CEP85: variants seen among roughly 807,000 people sequenced by gnomAD.
CEP85 encodes centrosomal protein 85.
Under a neutral mutation model 93.7 loss-of-function variants are expected in CEP85, and 58 were observed. The observed-to-expected ratio is 0.62, with a 90% CI of 0.50 to 0.77. The LOEUF is 0.77. Among genes scored for constraint, CEP85 ranks in the 30% least tolerant of loss-of-function variants. The probability of loss-of-function intolerance (pLI) is 0.00; values close to 1 mark genes in which losing one functional copy is unlikely to be tolerated. For missense variants in CEP85, 868 were observed against 922.0 expected, an observed-to-expected ratio of 0.94 and a Z score of 0.76; for synonymous variants, 314 against 338.6, an observed-to-expected ratio of 0.93 and a Z score of 0.80.
intron 4 of CEP85, among the ~76,000 whole-genome samples, chr1:26,256,928 G>GTTTTGGGGTGTGTGTGTGTGTGT (rs199539021): frequency 9.0e-5 from 10 of 111,404 alleles, no homozygotes; most frequent in African/African-American, 3.4e-4. Context: ...GTTTTGTTTT[G>GTTTTGGGGTGTGTGTGTGTGTGT]GTGTGTGTGT....
chr1:26,265,122 T>G (rs2124599498), intron 7 of CEP85, among the ~76,000 whole-genome samples: 1 of 151,972 alleles, frequency 6.6e-6, no homozygotes, highest in Non-Finnish European at 1.5e-5. Flanking sequence ...TAGCTGGGAT[T>G]ACAGGCACCC....
At chr1:26,263,230 C>T in intron 7 of CEP85, 1 of 312,908 alleles carries the variant, frequency 3.2e-6, no homozygotes, top group South Asian at 3.5e-5. Context: ...CCCACCTCTG[C>T]TGTGCTGTTG....
chr1:26,259,366 G>T (rs1321672435), intron 6 of CEP85, among the ~76,000 whole-genome samples: 1 of 152,206 alleles, frequency 6.6e-6, no homozygotes, highest in Non-Finnish European at 1.5e-5. Flanking sequence ...TTAAAATACA[G>T]ATTATTGGGA....
chr1:26,268,707 C>T, intron 8 of CEP85, 72 bp downstream of exon 8: 1 of 1,379,416 alleles, frequency 7.2e-7, no homozygotes, highest in Admixed American at 2.3e-5. Context: ...TCATCATCTG[C>T]TGTATGCAGT....
At chr1:26,246,637 G>A (rs1008834558) in intron 3 of CEP85, among the ~76,000 whole-genome samples, 1 of 151,678 alleles carries the variant, frequency 6.6e-6, no homozygotes, top group South Asian at 2.1e-4. Flanking sequence ...GCTGAGACAA[G>A]AGAATTGCTT....
intron 7 of CEP85, among the ~76,000 whole-genome samples, chr1:26,262,047 C>G (rs929109729): frequency 1.3e-5 from 2 of 152,142 alleles, no homozygotes; most frequent in African/African-American, 4.8e-5. Flanking sequence ...ATGGCTTACA[C>G]CTGTAATCCC....
intron 7 of CEP85, among the ~76,000 whole-genome samples, chr1:26,261,787 G>T (rs2124593213): frequency 6.6e-6 from 1 of 151,552 alleles, no homozygotes; most frequent in Admixed American, 6.6e-5. Flanking sequence ...AGCAAAAGTT[G>T]CCCATATAAT....
chr1:26,249,871 T>C (rs2089575935), intron 3 of CEP85, among the ~76,000 whole-genome samples: 1 of 152,140 alleles, frequency 6.6e-6, no homozygotes, highest in Admixed American at 6.5e-5. Context: ...ATCCCATGCA[T>C]TGTATTTTTT....
chr1:26,274,563 G>T (rs1414599781), intron 11 of CEP85, among the ~76,000 whole-genome samples: 1 of 152,188 alleles, frequency 6.6e-6, no homozygotes, highest in African/African-American at 2.4e-5. Context: ...TGCCTTGGAG[G>T]TTTCCTGGAG....
At chr1:26,246,689 A>G (rs981518469) in intron 3 of CEP85, among the ~76,000 whole-genome samples, 4 of 151,526 alleles carry the variant, frequency 2.6e-5, no homozygotes, top group African/African-American at 9.7e-5. Flanking sequence ...AGATCGTGCC[A>G]TTGCACTCCA....
chr1:26,268,469 A>G lies in CEP85; in HGVS notation c.1342-14A>G. On this transcript the variant is annotated splice_polypyrimidine_tract_variant and intron_variant, in intron 7 of 13. Coordinates refer to ENST00000451429, the MANE Select transcript of CEP85 (RefSeq NM_001319944.2). ...AGTGAATGGTGGAGACAGACTTGAC[A>G]TTTATTTTCCTAGGTCAAAGGTCGT... 6.2e-7 allele frequency: 1 copy of G among 1,614,048 alleles called. No homozygotes were observed. The highest frequency in any genetic ancestry group is 8.5e-7 in the Non-Finnish European group (1 of 1,179,946).
chr1:26,242,552 A>G (rs987919933), intron 2 of CEP85, among the ~76,000 whole-genome samples: 1 of 152,214 alleles, frequency 6.6e-6, no homozygotes, highest in Non-Finnish European at 1.5e-5. Flanking sequence ...TTCAGTAGAA[A>G]GCCAAAGTAA....
intron 10 of CEP85, chr1:26,271,688 T>C (rs2089977821): frequency 3.2e-6 from 1 of 309,178 alleles, no homozygotes; most frequent in Admixed American, 4.5e-5. Flanking sequence ...CATGTCCTTG[T>C]ACCAAAGAAC....
chr1:26,235,405 A>G (rs1023320079), intron 1 of CEP85, among the ~76,000 whole-genome samples: 1 of 152,076 alleles, frequency 6.6e-6, no homozygotes, highest in Non-Finnish European at 1.5e-5. Flanking sequence ...CTTCTCTTTC[A>G]CAAGGTTTAA....
At chr1:26,253,676 C>A (rs1461146094) in intron 3 of CEP85, among the ~76,000 whole-genome samples, 1 of 151,840 alleles carries the variant, frequency 6.6e-6, no homozygotes, top group East Asian at 2.0e-4. Context: ...AGGCATGAGC[C>A]ACTGCGCCCG....
In CEP85 at chr1:26,257,579, G is replaced by A. The variant is rs1443224061; in HGVS notation, c.904-18G>A. On this transcript the variant is annotated intron_variant, in intron 4 of 13. Transcript: ENST00000451429. Reference sequence around the variant, plus strand: ...TATGGGTCAAGATCAAGCTCATCTGGGCCTACTTGCCTTTCAGCTTCAGAA... The same window carrying A: ...TATGGGTCAAGATCAAGCTCATCTGAGCCTACTTGCCTTTCAGCTTCAGAA... The A allele has an allele frequency of 1.2e-6, 2 of 1,613,664 alleles. No individual in the cohort carries two copies. The highest frequency in any genetic ancestry group is 1.7e-5 in the Admixed American group (1 of 59,996).
In CEP85 at chr1:26,276,453, C is replaced by T. The variant is rs2090053289; in HGVS notation, c.1903-82C>T. 4 of 1,135,284 alleles carry T rather than the reference C, an allele frequency of 3.5e-6. No individual in the cohort carries two copies. In the South Asian group the frequency reaches 4.0e-5, roughly 11 times the overall value. The allele number at this position is 1,135,284 out of a possible 1,614,324, so 70.3% of individuals were successfully genotyped here. A position where few individuals can be genotyped will look rare whatever the true frequency, so the allele number is the denominator to read the frequency against. ...GACACTGCCTATGACTCACCCATCC[C>T]TTCCACACCCACACACTCATGCACA... On this transcript the variant is annotated intron_variant, in intron 12 of 13. Transcript: ENST00000451429.
rs1264614771 is a variant in CEP85 at position 26,241,671 on chromosome 1, T to TC, written c.55+1834dup. On this transcript the variant is annotated intron_variant, in intron 2 of 13. Coordinates refer to ENST00000451429, the MANE Select transcript of CEP85 (RefSeq NM_001319944.2). ...CCTTTCCTATGGCTTTTTTCTCTCT[T>TC]CAATAGTATCTCATTCAGATTAATA... is the stretch of plus-strand genomic sequence containing the variant. Among the ~76,000 whole-genome samples the TC allele has an allele frequency of 2.0e-5, 3 of 152,198 alleles. No individual in the cohort carries two copies. The East Asian group carries it at 5.8e-4, about 29-fold the overall frequency.
intron 3 of CEP85, among the ~76,000 whole-genome samples, chr1:26,250,279 G>T (rs561031864): frequency 1.3e-5 from 2 of 152,170 alleles, no homozygotes; most frequent in Non-Finnish European, 2.9e-5. Context: ...CTGAGCTTGC[G>T]CCTTCTGTCA....
Sources: gnomAD v4.1 joint callset for allele counts (sites outside exome capture counted in the v4.1 genomes callset) on GRCh38, gnomAD v4.1.1 for gene constraint, MANE v1.5 for transcripts, NCBI Gene and HGNC (gene_info 2026-07-23, HGNC 2026-07-21) for gene names.